MIDEAS: variants seen among roughly 807,000 people sequenced by gnomAD.
MIDEAS encodes the protein mitotic deacetylase-associated SANT domain protein.
MIDEAS carries 26 observed loss-of-function variants against 102.7 expected under a neutral mutation model. That is an observed-to-expected ratio of 0.25 (90% CI 0.19 to 0.35). The LOEUF (loss-of-function observed/expected upper bound fraction) is 0.35, where lower values mean the gene tolerates loss of function less well. Among genes scored for constraint, MIDEAS ranks in the 10% least tolerant of loss-of-function variants. MIDEAS has a pLI of 1.00. For synonymous variants in MIDEAS, 585 were observed against 591.0 expected (o/e 0.99, Z 0.15); for missense variants, 1,231 against 1,435.6 (o/e 0.86, Z 2.30).
intron 1 of MIDEAS, among the ~76,000 whole-genome samples, chr14:73,782,584 C>T (rs1014509005): frequency 1.3e-5 from 2 of 152,210 alleles, no homozygotes; most frequent in Non-Finnish European, 2.9e-5. Context: ...TCCGCCTCAG[C>T]CTCCCAAAGT....
At chr14:73,745,235 T>A (rs1420422665) in intron 1 of MIDEAS, among the ~76,000 whole-genome samples, 1 of 152,012 alleles carries the variant, frequency 6.6e-6, no homozygotes, top group Non-Finnish European at 1.5e-5. Context: ...CCTCTACACC[T>A]ATGTGGAACA....
At chr14:73,784,467 C>A (rs950818292) in intron 1 of MIDEAS, among the ~76,000 whole-genome samples, 7 of 152,354 alleles carry the variant, frequency 4.6e-5, no homozygotes, top group African/African-American at 1.7e-4. Flanking sequence ...TTTCTCTGGC[C>A]TTTACAAGAG....
At position 73,729,812 on chromosome 14, in the gene MIDEAS, A is replaced by G. The variant is rs1223731313; in HGVS notation, c.1923T>C (p.Ala641=). 6.2e-7 allele frequency: 1 copy of G among 1,612,802 alleles called. No homozygotes were observed. The highest frequency in any genetic ancestry group is 1.1e-5 in the South Asian group (1 of 91,038). Residue 641 remains alanine, a synonymous_variant, in exon 4 of 13, where the codon GCT becomes GCC. Transcript: ENST00000423556. ...QSHLRSPVRL[A]DHPSERSFEL... ...CAAAGCTCCGCTCAGAGGGGTGGTC[A>G]GCTAGGCGCACGGGAGAGCGCAGGT...
chr14:73,776,726 G>A (rs1434777045), intron 1 of MIDEAS, among the ~76,000 whole-genome samples: 1 of 151,900 alleles, frequency 6.6e-6, no homozygotes, highest in Admixed American at 6.6e-5. Flanking sequence ...TGAGTCCTGA[G>A]AGGAGGCAGA....
At chr14:73,743,235 C>T (rs950983698) in intron 1 of MIDEAS, among the ~76,000 whole-genome samples, 1 of 152,172 alleles carries the variant, frequency 6.6e-6, no homozygotes, top group Non-Finnish European at 1.5e-5. Context: ...ATCAGATATC[C>T]CTTCTCATTG....
chr14:73,739,932 T>C lies in MIDEAS; in HGVS notation c.77A>G (p.Lys26Arg). 1 of 1,522,732 alleles carries C rather than the reference T, an allele frequency of 6.6e-7. No individual in the cohort carries two copies. The highest frequency in any genetic ancestry group is 8.8e-7 in the Non-Finnish European group (1 of 1,135,632). 94.3% of individuals were successfully genotyped at this position (1,522,732 alleles called of 1,614,324 possible). ...CLFGGQEPAP[K>R]EQPPPLQPPQ... is the part of the protein sequence containing the mutation. ...GGGCTGCAGGGGAGGGGGCTGCTCC[T>C]TGGGAGCTGGTTCCTGGCCCCCGAA... The change falls in exon 2 of 13, where the codon AAG becomes AGG. Residue 26 changes from lysine (K) to arginine (R), a missense_variant. Physicochemically the swap from Lys to Arg is conservative, Grantham distance 26 (BLOSUM62 2). Transcript: ENST00000423556.
rs555000216 is a variant in MIDEAS, at chr14:73,731,630, G to A, written c.1750-1645C>T. Among the ~76,000 whole-genome samples, 9 of 152,332 alleles carry A rather than the reference G, an allele frequency of 5.9e-5. No individual in the cohort carries two copies. The East Asian group carries it at 9.6e-4, about 16-fold the overall frequency. ...AAATAGTCATGTTCATTTTTTAGGT[G>A]TGGTAATGCTATTGAGATAATGTTG... is the stretch of plus-strand genomic sequence containing the variant. On this transcript the variant is annotated intron_variant, in intron 3 of 12. Coordinates refer to ENST00000423556, the MANE Select transcript of MIDEAS (RefSeq NM_001367710.1).
intron 11 of MIDEAS, among the ~76,000 whole-genome samples, chr14:73,720,467 C>T (rs1207386962): frequency 1.3e-5 from 2 of 152,006 alleles, no homozygotes; most frequent in Non-Finnish European, 2.9e-5. Flanking sequence ...AGGCTGGTCT[C>T]GACTCCTGAC....
chr14:73,752,761 C>T, intron 1 of MIDEAS, among the ~76,000 whole-genome samples: 1 of 152,222 alleles, frequency 6.6e-6, no homozygotes, highest in Non-Finnish European at 1.5e-5. Flanking sequence ...CTTTGCATTT[C>T]TCCAGTCTCT....
intron 1 of MIDEAS, among the ~76,000 whole-genome samples, chr14:73,767,996 C>CA (rs112433234): frequency 0.018 from 2,725 of 151,730 alleles, 65 homozygotes; most frequent in African/African-American, 0.062. Context: ...CCCATCTCCA[C>CA]AAAAAATACA....
intron 4 of MIDEAS, 113 bp from the exon 5 acceptor site, chr14:73,727,637 C>G: frequency 9.8e-7 from 1 of 1,019,384 alleles, no homozygotes; most frequent in Non-Finnish European, 1.4e-6. Context: ...ACAGAGCTCA[C>G]GCAGGGAACA....
At position 73,718,931 on chromosome 14, in the gene MIDEAS, C is replaced by G. The variant is rs1180742808; in HGVS notation, c.3212G>C (p.Arg1071Thr). 6.5e-7 allele frequency: 1 copy of G among 1,526,770 alleles called. No homozygotes were observed. Among genetic ancestry groups the G allele is most frequent in the South Asian group, 1.2e-5 (1 of 83,108 alleles). The allele number at this position is 1,526,770 out of a possible 1,614,324, so 94.6% of individuals were successfully genotyped here. A position where few individuals can be genotyped will look rare whatever the true frequency, so the allele number is the denominator to read the frequency against. ...AGCAGCGGCCTCTTTCTCCTTCAGC[C>G]TCAGCGCTGCAGCCTTCTTCTCCTG... ...AEQEKKAAAL[R>T]LKEKEAAAAA... The change falls in exon 13 of 13, where the codon AGG becomes ACG. Residue 1071 changes from arginine to threonine, a missense_variant. Physicochemically the swap from Arg to Thr is moderately conservative, Grantham distance 71. Coordinates refer to ENST00000423556, the MANE Select transcript of MIDEAS (RefSeq NM_001367710.1).
chr14:73,765,487 C>T (rs1337518037), intron 1 of MIDEAS, among the ~76,000 whole-genome samples: 1 of 152,132 alleles, frequency 6.6e-6, no homozygotes, highest in Non-Finnish European at 1.5e-5. Context: ...CATCTATTTC[C>T]TTGCTTCTGG....
upstream of MIDEAS, among the ~76,000 whole-genome samples, chr14:73,763,670 C>G (rs1015167438): frequency 6.6e-6 from 1 of 152,190 alleles, no homozygotes; most frequent in Non-Finnish European, 1.5e-5. Flanking sequence ...ACAATGCCAG[C>G]CAGGTCCCTA....
At chr14:73,744,472 T>A (rs1386077238) in intron 1 of MIDEAS, among the ~76,000 whole-genome samples, 1 of 152,196 alleles carries the variant, frequency 6.6e-6, no homozygotes. Flanking sequence ...GAGGGCCCCC[T>A]GCCCTTGGAG....
At chr14:73,768,189 T>C (rs1391296047) in intron 1 of MIDEAS, among the ~76,000 whole-genome samples, 1 of 151,972 alleles carries the variant, frequency 6.6e-6, no homozygotes, top group Non-Finnish European at 1.5e-5. Context: ...AAATAAAAAA[T>C]ACATGCTTGA....
At chr14:73,773,769 T>C (rs1213684143) in intron 1 of MIDEAS, among the ~76,000 whole-genome samples, 1 of 151,890 alleles carries the variant, frequency 6.6e-6, no homozygotes, top group Non-Finnish European at 1.5e-5. Flanking sequence ...ACGCCTGTAA[T>C]CTCAGCACTT....
Position 73,759,302 on chromosome 14 carries a change from C to T in MIDEAS, c.-248+461G>A, listed in dbSNP as rs1000221769. 1.3e-5 allele frequency among the ~76,000 whole-genome samples: 2 copies of T among 152,138 alleles called. No homozygotes were observed. The highest frequency in any genetic ancestry group is 2.9e-5 in the Non-Finnish European group (2 of 67,990). On this transcript the variant is annotated intron_variant, in intron 1 of 12. Transcript: ENST00000423556. The surrounding 1 kb of genome is among the most constrained non-coding windows in gnomAD (Gnocchi z 6.7). ...TCAGCTGGCTAGCCCCTCGCCGCGC[C>T]TTCCGGGCCTGGGCTCCGTCACGTC...
At chr14:73,754,672 C>T (rs568437625) in intron 1 of MIDEAS, among the ~76,000 whole-genome samples, 1 of 152,266 alleles carries the variant, frequency 6.6e-6, no homozygotes, top group African/African-American at 2.4e-5. Context: ...AGGACTATGA[C>T]CCAAGACCAG....
Sources: allele counts gnomAD v4.1 joint callset (sites outside exome capture counted in the v4.1 genomes callset), GRCh38; gene constraint gnomAD v4.1.1; non-coding constraint Gnocchi (gnomAD v3.1); transcripts MANE v1.5; gene names NCBI Gene and HGNC (gene_info 2026-07-23, HGNC 2026-07-21).